Variants in ZNF248 observed in about 807,000 individuals in gnomAD.
The protein encoded by ZNF248 is KRAB protein domain.
Under a neutral mutation model 44.3 loss-of-function variants are expected in ZNF248, and 20 were observed. That is an observed-to-expected ratio of 0.45 (90% confidence interval 0.32 to 0.66). The LOEUF (loss-of-function observed/expected upper bound fraction) is 0.66, where lower values mean the gene tolerates loss of function less well. ZNF248 is among the 30% of genes least tolerant of loss of function. The pLI, the probability that ZNF248 is intolerant of heterozygous loss-of-function variation, is 0.04. For missense variants in ZNF248, 654 were observed against 677.0 expected (o/e 0.97, Z 0.38); for synonymous variants, 224 against 229.0 (o/e 0.98, Z 0.20).
Position 37,832,492 on chromosome 10 carries a change from T to C in ZNF248, c.863A>G (p.Gln288Arg). The C allele has an allele frequency of 1.2e-6, 2 of 1,613,972 alleles. No individual in the cohort carries two copies. Among genetic ancestry groups the C allele is most frequent in the Non-Finnish European group, 1.7e-6 (2 of 1,179,932 alleles). Residue 288 changes from glutamine to arginine, a missense_variant, in exon 6 of 6, where the codon CAG becomes CGG. By Grantham distance (43) the Gln-to-Arg change is conservative (BLOSUM62 1). Transcript: ENST00000395867. ...AGGATTGTCCTTTGTAAGAGCTCTC[T>C]GATGTCCAAACCTTAAATTCATGCA... ...SFCMNLRFGH[Q>R]RALTKDNPYE...
chr10:37,804,722 G>A (rs922900831), intron 6 of ZNF248, among the ~76,000 whole-genome samples: 7 of 152,160 alleles, frequency 4.6e-5, no homozygotes, highest in South Asian at 4.1e-4. Context: ...GATTACAGGC[G>A]TCAGCCACGG....
intron 6 of ZNF248, among the ~76,000 whole-genome samples, chr10:37,789,947 C>G (rs2048304695): frequency 6.6e-6 from 1 of 152,138 alleles, no homozygotes; most frequent in African/African-American, 2.4e-5. Flanking sequence ...CAAGCTTTAT[C>G]TTTTCTTTCA....
At chr10:37,767,458 G>C in the ZNF248 span, among the ~76,000 whole-genome samples, 1 of 152,282 alleles carries the variant, frequency 6.6e-6, no homozygotes, top group South Asian at 2.1e-4. Context: ...GAAGGGAGTG[G>C]GGGCCAATAT....
At chr10:37,761,848 A>T in the ZNF248 span, among the ~76,000 whole-genome samples, 1 of 152,210 alleles carries the variant, frequency 6.6e-6, no homozygotes, top group African/African-American at 2.4e-5. Flanking sequence ...GACCAAAAAA[A>T]CTATTATCTC....
rs71491209 is a variant in ZNF248 at position 37,804,459 on chromosome 10, G to C, written c.331-27884C>G. Among the ~76,000 whole-genome samples, 980 of 147,386 alleles carry C rather than the reference G, an allele frequency of 6.6e-3. 4 individuals are homozygous for C. The highest frequency in any genetic ancestry group is 0.016 in the African/African-American group (651 of 40,054). Reference sequence around the variant, plus strand: ...TTATTTATTTCTTTATTTGAGACAAGGTCTCACTCTGTCACCCAGACTGGA... The same window carrying C: ...TTATTTATTTCTTTATTTGAGACAACGTCTCACTCTGTCACCCAGACTGGA... On this transcript the variant is annotated intron_variant, in intron 6 of 6. Coordinates refer to the ZNF248 transcript ENST00000615949.
downstream of ZNF248, among the ~76,000 whole-genome samples, chr10:37,824,805 C>T (rs1166533785): frequency 6.8e-6 from 1 of 147,646 alleles, no homozygotes; most frequent in East Asian, 2.0e-4. Flanking sequence ...CCTCAGCCTC[C>T]TGAGTAGCTG....
chr10:37,796,221 A>C (rs2049138468), intron 6 of ZNF248: 1 of 148,452 alleles, frequency 6.7e-6, no homozygotes, highest in Non-Finnish European at 1.5e-5. Flanking sequence ...TCTTTATAAT[A>C]CTTTTTTTTT....
At chr10:37,855,988 G>A (rs1208306062) in intron 3 of ZNF248, among the ~76,000 whole-genome samples, 2 of 152,202 alleles carry the variant, frequency 1.3e-5, no homozygotes, top group Non-Finnish European at 2.9e-5. Context: ...CATATGCACT[G>A]AGTTCTGCTC....
At chr10:37,814,303 T>C (rs1356027758) in intron 6 of ZNF248, among the ~76,000 whole-genome samples, 2 of 152,206 alleles carry the variant, frequency 1.3e-5, no homozygotes, top group African/African-American at 4.8e-5. Flanking sequence ...CCCCACCACT[T>C]TTTAAGTTAT....
chr10:37,851,296 A>G (rs1324720522), intron 3 of ZNF248, among the ~76,000 whole-genome samples: 2 of 152,186 alleles, frequency 1.3e-5, no homozygotes, highest in African/African-American at 4.8e-5. Context: ...AAAGGTTAAC[A>G]ACTGAAGACA....
At chr10:37,813,181 G>A (rs537060989) in intron 6 of ZNF248, among the ~76,000 whole-genome samples, 35 of 152,272 alleles carry the variant, frequency 2.3e-4, no homozygotes, top group African/African-American at 6.0e-4. Flanking sequence ...GGCGTAAGAC[G>A]TAGAAGAACG....
At chr10:37,818,815 T>G in intron 6 of ZNF248, 1 of 872,796 alleles carries the variant, frequency 1.1e-6, no homozygotes, top group Non-Finnish European at 1.9e-6. Flanking sequence ...TGGTGGGAAC[T>G]GCACTTCAGC....
At chr10:37,818,772 A>G in intron 6 of ZNF248, 1 of 757,686 alleles carries the variant, frequency 1.3e-6, no homozygotes, top group East Asian at 3.2e-5. Flanking sequence ...ATCGTCAAAT[A>G]AACGCCTTTG....
the ZNF248 span, among the ~76,000 whole-genome samples, chr10:37,765,305 A>G: frequency 6.6e-6 from 1 of 152,144 alleles, no homozygotes; most frequent in Non-Finnish European, 1.5e-5. Context: ...TAGGGAATGG[A>G]ATTATGTGGC....
At chr10:37,790,891 G>T (rs1176453090) in intron 6 of ZNF248, among the ~76,000 whole-genome samples, 2 of 147,748 alleles carry the variant, frequency 1.4e-5, no homozygotes, top group Non-Finnish European at 3.0e-5. Context: ...CTGCAGTCTG[G>T]CCTGGGCAAG....
At chr10:37,833,138 A>G (rs375597222) in intron 5 of ZNF248, 22 bp from the exon 6 acceptor site, 14 of 1,558,860 alleles carry the variant, frequency 9.0e-6, no homozygotes, top group Non-Finnish European at 1.2e-5. Context: ...AAAAATAACC[A>G]CATCTTATGA....
chr10:37,760,124 A>G, the ZNF248 span, among the ~76,000 whole-genome samples: 151 of 152,354 alleles, frequency 9.9e-4, no homozygotes, highest in South Asian at 3.7e-3. Flanking sequence ...ATCAGAATGC[A>G]AAACTTTTGT....
chr10:37,824,930 T>C (rs1211000), downstream of ZNF248, among the ~76,000 whole-genome samples: 8,854 of 150,222 alleles, frequency 0.059, 346 homozygotes, highest in Middle Eastern at 0.095. Flanking sequence ...CCTCGTGATC[T>C]GCCTGCCTTG....
the ZNF248 span, among the ~76,000 whole-genome samples, chr10:37,765,461 G>A: frequency 3.9e-5 from 6 of 152,298 alleles, no homozygotes; most frequent in Middle Eastern, 3.4e-3. Context: ...TCCACACTTT[G>A]CATGATTCTG....
Sources: allele counts gnomAD v4.1 joint callset (sites outside exome capture counted in the v4.1 genomes callset), GRCh38; gene constraint gnomAD v4.1.1; transcripts MANE v1.5; gene names NCBI Gene and HGNC (gene_info 2026-07-23, HGNC 2026-07-21).